The following SHROOM4 variants were observed in gnomAD, a reference collection of about 807,000 sequenced individuals.
SHROOM4 encodes protein Shroom4.
Under a neutral mutation model 80.3 loss-of-function variants are expected in SHROOM4, and 17 were observed. That is an observed-to-expected ratio of 0.21 (90% confidence interval 0.14 to 0.32). The LOEUF is 0.32. Among genes scored for constraint, SHROOM4 ranks in the 10% least tolerant of loss-of-function variants. SHROOM4 has a pLI of 1.00. For missense variants in SHROOM4, 993 were observed against 1,140.3 expected (o/e 0.87, Z 1.86); for synonymous variants, 400 against 437.5 (o/e 0.91, Z 1.07).
intron 2 of SHROOM4, among the ~76,000 whole-genome samples, chrX:50,669,457 C>A (rs1340429139): frequency 1.8e-5 from 2 of 110,736 alleles, no homozygotes; most frequent in Admixed American, 1.9e-4. Context: ...AGACATGCCA[C>A]CACACCCAAC....
intron 1 of SHROOM4, among the ~76,000 whole-genome samples, chrX:50,797,799 G>A (rs990951072): frequency 3.6e-5 from 4 of 111,243 alleles, no homozygotes; most frequent in Admixed American, 2.9e-4. Flanking sequence ...GAGCATGCAC[G>A]TATATGAGCA....
chrX:50,752,904 C>T (rs1253091454), intron 1 of SHROOM4, among the ~76,000 whole-genome samples: 3 of 111,820 alleles, frequency 2.7e-5, no homozygotes, highest in African/African-American at 9.7e-5. Context: ...ACATAGCTGA[C>T]CCATGACAGC....
chrX:50,741,005 T>C (rs187578823), intron 1 of SHROOM4, among the ~76,000 whole-genome samples: 1 of 111,490 alleles, frequency 9.0e-6, no homozygotes, highest in Non-Finnish European at 1.9e-5. Flanking sequence ...TTCTTCTGTA[T>C]GTGGACAACC....
chrX:50,648,069 T>C (rs996401350), intron 2 of SHROOM4, among the ~76,000 whole-genome samples: 2 of 111,992 alleles, frequency 1.8e-5, no homozygotes, highest in African/African-American at 6.5e-5. Context: ...TTTATAAAGG[T>C]TTGACTTGGC....
intron 1 of SHROOM4, among the ~76,000 whole-genome samples, chrX:50,777,227 C>T (rs1656102875): frequency 9.0e-6 from 1 of 111,303 alleles, no homozygotes; most frequent in South Asian, 3.8e-4. Context: ...TTCCTGAGCC[C>T]GGGAGCCCAG....
At chrX:50,811,890 C>G (rs1430670543) in intron 1 of SHROOM4, among the ~76,000 whole-genome samples, 1 of 110,784 alleles carries the variant, frequency 9.0e-6, no homozygotes, top group African/African-American at 3.3e-5. Context: ...GGCACCCTGC[C>G]TCTCAACACA....
chrX:50,582,011 T>C (rs2147187104), downstream of SHROOM4, among the ~76,000 whole-genome samples: 1 of 112,049 alleles, frequency 8.9e-6, no homozygotes, highest in South Asian at 3.8e-4. Flanking sequence ...TTCACACCCC[T>C]GTATAATCCC....
At chrX:50,616,698 C>T (rs1478120068) in intron 5 of SHROOM4, among the ~76,000 whole-genome samples, 1 of 111,431 alleles carries the variant, frequency 9.0e-6, no homozygotes, top group African/African-American at 3.3e-5. Context: ...TGGTGGGATC[C>T]AGGAATCAGC....
chrX:50,725,425 CAG>C (rs1216141770), intron 1 of SHROOM4, among the ~76,000 whole-genome samples: 1 of 112,001 alleles, frequency 8.9e-6, no homozygotes, highest in Admixed American at 9.4e-5. Flanking sequence ...GAGGCGCAAG[CAG>C]AGAGTATCAG....
intron 1 of SHROOM4, among the ~76,000 whole-genome samples, chrX:50,711,131 G>A (rs1210197599): frequency 8.9e-6 from 1 of 112,136 alleles, no homozygotes; most frequent in Non-Finnish European, 1.9e-5. Context: ...AGTTTAAACC[G>A]ACAAAGTTAA....
At chrX:50,762,490 G>GT (rs1436929842) in intron 1 of SHROOM4, among the ~76,000 whole-genome samples, 1 of 111,746 alleles carries the variant, frequency 8.9e-6, no homozygotes, top group African/African-American at 3.3e-5. Context: ...AGCACTCTTA[G>GT]TTTTTTTTCA....
intron 1 of SHROOM4, among the ~76,000 whole-genome samples, chrX:50,700,333 A>G (rs1431874939): frequency 2.7e-5 from 3 of 112,334 alleles, no homozygotes; most frequent in Non-Finnish European, 5.6e-5. Context: ...AAGATTTTCA[A>G]GTTTTTACTA....
chrX:50,804,555 T>A (rs1936189074), intron 1 of SHROOM4, among the ~76,000 whole-genome samples: 1 of 111,998 alleles, frequency 8.9e-6, no homozygotes, highest in South Asian at 3.8e-4. Context: ...AGAAAGAGCA[T>A]GGGATTTGAA....
At chrX:50,785,951 T>C (rs896864415) in intron 1 of SHROOM4, among the ~76,000 whole-genome samples, 15 of 111,559 alleles carry the variant, frequency 1.3e-4, no homozygotes, top group Non-Finnish European at 2.3e-4. Context: ...CAAGATGGAA[T>C]AGAAAACCCT....
At chrX:50,606,190 C>A (rs782291150) in intron 6 of SHROOM4, among the ~76,000 whole-genome samples, 80 of 107,458 alleles carry the variant, frequency 7.4e-4, no homozygotes, top group African/African-American at 2.7e-3. Flanking sequence ...ACTAACTCAT[C>A]ATCTAGCATT....
At chrX:50,637,493 A>G (rs1265583273) in intron 3 of SHROOM4, among the ~76,000 whole-genome samples, 1 of 113,016 alleles carries the variant, frequency 8.8e-6, no homozygotes, top group Non-Finnish European at 1.9e-5. Flanking sequence ...GTGTTTCTGC[A>G]TATTCTTCCA....
Position 50,635,052 on chromosome X carries a change from T to A in SHROOM4, c.1021A>T (p.Asn341Tyr). ...HDQVTSEGHQ[N>Y]CEFSQPPESS... ...TCAGGAGGCTGACTGAACTCACAGT[T>A]CTGATGGCCCTCACTTGTCACTTGG... The change falls in exon 4 of 9, where the codon AAC becomes TAC. Residue 341 changes from asparagine to tyrosine, a missense_variant. Coordinates refer to ENST00000376020, the MANE Select transcript of SHROOM4 (RefSeq NM_020717.5). 1 of 1,212,066 alleles carries A rather than the reference T, an allele frequency of 8.3e-7. No homozygotes were observed. Among genetic ancestry groups the A allele is most frequent in the African/African-American group, 1.7e-5 (1 of 57,891 alleles).
At chrX:50,639,531 C>A (rs1198263104) in intron 2 of SHROOM4, among the ~76,000 whole-genome samples, 1 of 111,452 alleles carries the variant, frequency 9.0e-6, no homozygotes, top group Non-Finnish European at 1.9e-5. Flanking sequence ...AAATTATTTT[C>A]ATCAATTTAT....
intron 1 of SHROOM4, among the ~76,000 whole-genome samples, chrX:50,724,379 A>C (rs985029445): frequency 4.0e-4 from 45 of 112,982 alleles, no homozygotes; most frequent in African/African-American, 1.3e-3. Flanking sequence ...TAAAATGATA[A>C]ATTTGTATTT....
Sources: gnomAD v4.1 joint callset for allele counts (sites outside exome capture counted in the v4.1 genomes callset) on GRCh38, gnomAD v4.1.1 for gene constraint, MANE v1.5 for transcripts, NCBI Gene and HGNC (gene_info 2026-07-23, HGNC 2026-07-21) for gene names.